ZZZ3: variants seen among roughly 807,000 people sequenced by gnomAD.
ZZZ3 encodes the protein ZZ-type zinc finger-containing protein 3.
In ZZZ3, 22 loss-of-function variants were observed where a neutral mutation model predicts 95.2. The observed-to-expected ratio is 0.23, with a 90% CI of 0.17 to 0.33. The LOEUF (loss-of-function observed/expected upper bound fraction) is 0.33. ZZZ3 is among the 10% of genes least tolerant of loss of function. The pLI is 1.00. For synonymous variants in ZZZ3, 335 were observed against 358.9 expected (o/e 0.93, Z 0.75); for missense variants, 885 against 1,066.5 (o/e 0.83, Z 2.37).
At position 77,578,888 on chromosome 1, in the gene ZZZ3, T is replaced by A. The variant is rs777025197; in HGVS notation, c.2083-19A>T. 11 of 1,499,206 alleles carry A rather than the reference T, an allele frequency of 7.3e-6. No homozygotes were observed. The South Asian group carries it at 1.5e-4, about 20-fold the overall frequency. The allele number at this position is 1,499,206 out of a possible 1,614,324, so 92.9% of individuals were successfully genotyped here. Reference sequence around the variant, plus strand: ...TGGCAACCTAAGGAAACATGACAAGTCTCTTAACACAATGAGATGACATAC... The same window carrying A: ...TGGCAACCTAAGGAAACATGACAAGACTCTTAACACAATGAGATGACATAC... On this transcript the variant is annotated intron_variant, in intron 10 of 14. Transcript: ENST00000370801.
In ZZZ3 at chr1:77,657,166, G is replaced by A. The variant is rs1024766755; in HGVS notation, c.-402-15511C>T. The stretch of plus-strand genomic sequence containing the variant: ...CAGCTAATTTTTTCTATTTTTAGTA[G>A]AGATGGGGTTTCACTGTGTTGGCCA... On this transcript the variant is annotated intron_variant, in intron 1 of 14. Coordinates refer to ENST00000370801, the MANE Select transcript of ZZZ3 (RefSeq NM_015534.6). 3.9e-4 allele frequency among the ~76,000 whole-genome samples: 59 copies of A among 152,230 alleles called. 1 individual carries two copies. Among genetic ancestry groups the A allele is most frequent in the African/African-American group, 1.3e-3 (56 of 41,548 alleles).
intron 1 of ZZZ3, among the ~76,000 whole-genome samples, chr1:77,679,462 G>C (rs553084182): frequency 1.3e-5 from 2 of 152,124 alleles, no homozygotes; most frequent in Admixed American, 6.6e-5. Context: ...TGCACTACCA[G>C]GCTAATTTTT....
chr1:77,565,642 A>T lies in ZZZ3; in HGVS notation c.2710T>A (p.Ter904ArgextTer14). 1 of 1,613,554 alleles carries T rather than the reference A, an allele frequency of 6.2e-7. No homozygotes were observed. Among genetic ancestry groups the T allele is most frequent in the African/African-American group, 1.3e-5 (1 of 75,012 alleles). The change falls in exon 15 of 15, where the codon TGA (stop) becomes AGA (arginine). Residue 904 changes from the stop codon to arginine (R), a stop_lost. Coordinates refer to ENST00000370801, the MANE Select transcript of ZZZ3 (RefSeq NM_015534.6). Reference protein sequence around the residue: ...LDPNYFPANR* With the variant: ...LDPNYFPANRR ...AGTAAATGATGTTCTCTTCCATGTCATCTGTTTGCTGGAAAGTAGTTTGGG... is the reference window on the plus strand; with the variant it reads ...AGTAAATGATGTTCTCTTCCATGTCTTCTGTTTGCTGGAAAGTAGTTTGGG...
At position 77,633,023 on chromosome 1, in the gene ZZZ3, G is replaced by A. The variant is rs1200748360; in HGVS notation, c.332C>T (p.Pro111Leu). ...AATTCTTTTTAAAACTGGTGAAACA[G>A]GTTCTGTTTGCCTTCTCTCACAATT... ...IENCERRQTEPVSPVLKRIKR... is the reference protein window; with the variant it reads ...IENCERRQTELVSPVLKRIKR... The change falls in exon 5 of 15, where the codon CCT becomes CTT. Residue 111 changes from proline to leucine, a missense_variant. By Grantham distance (98) the Pro-to-Leu change is moderately conservative. Coordinates refer to ENST00000370801, the MANE Select transcript of ZZZ3 (RefSeq NM_015534.6). 38 of 1,613,776 alleles carry A rather than the reference G, an allele frequency of 2.4e-5. No individual in the cohort carries two copies. Among genetic ancestry groups the A allele is most frequent in the Non-Finnish European group, 3.2e-5 (38 of 1,180,020 alleles).
intron 5 of ZZZ3, among the ~76,000 whole-genome samples, chr1:77,626,648 T>C (rs1557738955): frequency 6.6e-6 from 1 of 152,168 alleles, no homozygotes; most frequent in Non-Finnish European, 1.5e-5. Flanking sequence ...ACCCCTGTTT[T>C]AGAAAGCTAC....
intron 5 of ZZZ3, among the ~76,000 whole-genome samples, chr1:77,628,389 T>C (rs1188542650): frequency 6.6e-5 from 10 of 152,300 alleles, no homozygotes; most frequent in African/African-American, 2.4e-4. Context: ...TCTGGTCCCT[T>C]TCTCACAGTG....
intron 5 of ZZZ3, among the ~76,000 whole-genome samples, chr1:77,601,959 G>A (rs547279951): frequency 1.3e-5 from 2 of 152,326 alleles, no homozygotes; most frequent in South Asian, 4.1e-4. Flanking sequence ...TTGGTGGCAA[G>A]ATGTTGGCTA....
chr1:77,604,225 T>C (rs1385577526), intron 5 of ZZZ3, among the ~76,000 whole-genome samples: 1 of 152,192 alleles, frequency 6.6e-6, no homozygotes, highest in East Asian at 1.9e-4. Context: ...CTTCACAGAT[T>C]AATTAAATTA....
intron 5 of ZZZ3, among the ~76,000 whole-genome samples, chr1:77,599,727 T>G (rs976227093): frequency 2.6e-5 from 4 of 152,056 alleles, no homozygotes. Context: ...ACTAATTCAG[T>G]AACAGAATAC....
chr1:77,569,531 A>T (rs1254807980), intron 12 of ZZZ3, among the ~76,000 whole-genome samples: 4 of 152,160 alleles, frequency 2.6e-5, no homozygotes, highest in Non-Finnish European at 5.9e-5. Flanking sequence ...ATTGCTGACA[A>T]CACTGTGGTT....
At chr1:77,629,102 A>G (rs1667568346) in intron 5 of ZZZ3, among the ~76,000 whole-genome samples, 2 of 152,170 alleles carry the variant, frequency 1.3e-5, no homozygotes, top group Non-Finnish European at 2.9e-5. Context: ...AGCGATGGCA[A>G]CTTGGATTAA....
intron 5 of ZZZ3, among the ~76,000 whole-genome samples, chr1:77,609,295 G>T (rs538342832): frequency 6.6e-6 from 1 of 152,184 alleles, no homozygotes; most frequent in East Asian, 1.9e-4. Flanking sequence ...GACAAAGAAG[G>T]TCACTATGTA....
At chr1:77,620,253 A>C (rs1294676995) in intron 5 of ZZZ3, among the ~76,000 whole-genome samples, 1 of 152,214 alleles carries the variant, frequency 6.6e-6, no homozygotes, top group Non-Finnish European at 1.5e-5. Flanking sequence ...TCAAGATTCA[A>C]TTGGAATAGA....
intron 5 of ZZZ3, among the ~76,000 whole-genome samples, chr1:77,608,647 T>C (rs1253671263): frequency 1.3e-5 from 2 of 152,148 alleles, no homozygotes; most frequent in Non-Finnish European, 2.9e-5. Flanking sequence ...TACTCTTAAG[T>C]AGAAAGACTA....
At chr1:77,583,220 T>C (rs144751944) in intron 6 of ZZZ3, among the ~76,000 whole-genome samples, 144 of 152,292 alleles carry the variant, frequency 9.5e-4, no homozygotes, top group South Asian at 1.4e-3. Context: ...TAATTGCATC[T>C]TTTTGCCTAC....
intron 5 of ZZZ3, among the ~76,000 whole-genome samples, chr1:77,611,726 A>C (rs531631364): frequency 6.6e-6 from 1 of 152,162 alleles, no homozygotes; most frequent in African/African-American, 2.4e-5. Context: ...GAAAACACAC[A>C]ATAAGGGACA....
At chr1:77,595,800 T>C (rs2100644482) in intron 5 of ZZZ3, among the ~76,000 whole-genome samples, 1 of 152,142 alleles carries the variant, frequency 6.6e-6, no homozygotes, top group South Asian at 2.1e-4. Flanking sequence ...AGCTGACGTA[T>C]AAAATTACAC....
chr1:77,581,414 C>T (rs1167235285), intron 8 of ZZZ3, among the ~76,000 whole-genome samples: 1 of 152,140 alleles, frequency 6.6e-6, no homozygotes, highest in East Asian at 1.9e-4. Flanking sequence ...ATCCTGGTCA[C>T]ATTTCACTAC....
intron 5 of ZZZ3, among the ~76,000 whole-genome samples, chr1:77,610,179 C>A: frequency 6.8e-6 from 1 of 147,832 alleles, no homozygotes; most frequent in Admixed American, 6.7e-5. Flanking sequence ...CACAGAAAGT[C>A]AAAGGATCAT....
Sources: gnomAD v4.1 joint callset for allele counts (sites outside exome capture counted in the v4.1 genomes callset) on GRCh38, gnomAD v4.1.1 for gene constraint, MANE v1.5 for transcripts, NCBI Gene and HGNC (gene_info 2026-07-23, HGNC 2026-07-21) for gene names.